The following RIMBP2 variants were observed in gnomAD, a reference collection of about 807,000 sequenced individuals.
RIMBP2 encodes RIMS-binding protein 2.
In RIMBP2, 48 loss-of-function variants were observed where a neutral mutation model predicts 118.6. That is an observed-to-expected ratio of 0.40 (90% CI 0.32 to 0.51). The LOEUF (loss-of-function observed/expected upper bound fraction) is 0.51. RIMBP2 is among the 20% of genes least tolerant of loss of function. The pLI is 0.41. For missense variants in RIMBP2, 1,551 were observed against 1,768.3 expected, an observed-to-expected ratio of 0.88 and a Z score of 2.20; for synonymous variants, 762 against 742.9, an observed-to-expected ratio of 1.03 and a Z score of -0.42.
chr12:130,585,326 G>A (rs994045935), intron 2 of RIMBP2, among the ~76,000 whole-genome samples: 13 of 152,160 alleles, frequency 8.5e-5, no homozygotes, highest in Admixed American at 1.3e-4. Flanking sequence ...CCTTTTGGAC[G>A]TTTGGGGAGT....
rs181626234 is a variant in RIMBP2, at chr12:130,703,593, C to T, written c.-352+12629G>A. ...CATGGGCTCCATCAGATCCCGTAAT[C>T]GGATCCGGGCGCTTTAGCCCTCACG... On this transcript the variant is annotated intron_variant, in intron 1 of 22. Transcript: ENST00000690449. This position sits in a 1 kb window ranked among gnomAD's most constrained non-coding sequence, Gnocchi z 5.7. Among the ~76,000 whole-genome samples the T allele has an allele frequency of 1.2e-3, 176 of 152,294 alleles. No homozygotes were observed. The highest frequency in any genetic ancestry group is 4.0e-3 in the African/African-American group (165 of 41,568).
chr12:130,519,968 C>A (rs1341640022), intron 2 of RIMBP2, among the ~76,000 whole-genome samples: 1 of 152,160 alleles, frequency 6.6e-6, no homozygotes, highest in African/African-American at 2.4e-5. Flanking sequence ...TGGCCCCTTC[C>A]CTCCTGAAGG....
At chr12:130,579,958 C>T (rs148061487) in intron 2 of RIMBP2, among the ~76,000 whole-genome samples, 98 of 147,304 alleles carry the variant, frequency 6.7e-4, no homozygotes, top group East Asian at 4.2e-3. Flanking sequence ...GCGAGGCAGG[C>T]GATCACCTGA....
rs369054074 is a variant in RIMBP2 at position 130,445,196 on chromosome 12, C to T, written c.655G>A (p.Val219Ile). 17 of 1,612,872 alleles carry T rather than the reference C, an allele frequency of 1.1e-5. No individual in the cohort carries two copies. The highest frequency in any genetic ancestry group is 8.4e-5 in the Admixed American group (5 of 59,754). ...LPLTAGKYLY[V>I]YGDMDEDGFY... ...CCATCCTCATCCATGTCTCCATAGA[C>T]GTAGAGGTATTTTCCCGCCGTGAGG... is the stretch of plus-strand genomic sequence containing the variant. The change falls in exon 10 of 23, where the codon GTC (valine) becomes ATC (isoleucine). Residue 219 changes from valine to isoleucine, a missense_variant. Physicochemically the swap from Val to Ile is conservative, Grantham distance 29. Transcript: ENST00000690449.
At chr12:130,404,364 C>T (rs2074957478) in intron 21 of RIMBP2, among the ~76,000 whole-genome samples, 1 of 152,168 alleles carries the variant, frequency 6.6e-6, no homozygotes, top group Non-Finnish European at 1.5e-5. Context: ...ATGGCATGAT[C>T]TCAGCTCACC....
chr12:130,712,086 G>A (rs1363498656), intron 1 of RIMBP2, among the ~76,000 whole-genome samples: 4 of 152,206 alleles, frequency 2.6e-5, no homozygotes, highest in Non-Finnish European at 5.9e-5. Flanking sequence ...TGGAGCTTGC[G>A]GGACTGGAAG....
At chr12:130,402,264 G>A (rs1168913116) in intron 21 of RIMBP2, among the ~76,000 whole-genome samples, 4 of 152,124 alleles carry the variant, frequency 2.6e-5, no homozygotes, top group African/African-American at 9.7e-5. Flanking sequence ...AAGCTCAAGA[G>A]TTTCTAAGCC....
chr12:130,675,508 G>T (rs886644607), intron 1 of RIMBP2, among the ~76,000 whole-genome samples: 6 of 152,130 alleles, frequency 3.9e-5, no homozygotes, highest in Admixed American at 3.3e-4. Context: ...CAATGCCCAG[G>T]CCTCCTTCCT....
rs1005839427 is a variant in RIMBP2, at chr12:130,623,638, C to T, written c.-217+4684G>A. Among the ~76,000 whole-genome samples the T allele has an allele frequency of 5.9e-5, 9 of 152,192 alleles. No homozygotes were observed. The highest frequency in any genetic ancestry group is 4.1e-4 in the South Asian group (2 of 4,830). ...TAAGCTGCCTCCCATAACCTCTTAG[C>T]GCTCAACTCCATGCACACCAAGCTG... On this transcript the variant is annotated intron_variant, in intron 2 of 22. Transcript: ENST00000690449. This position sits in a 1 kb window ranked among gnomAD's most constrained non-coding sequence, Gnocchi z 4.1.
chr12:130,471,391 A>C (rs2080990833), intron 5 of RIMBP2, among the ~76,000 whole-genome samples: 3 of 152,168 alleles, frequency 2.0e-5, no homozygotes, highest in African/African-American at 7.2e-5. Context: ...AAACACCGTT[A>C]TTTCTTGTCC....
chr12:130,583,551 C>A (rs2058616320), intron 2 of RIMBP2, among the ~76,000 whole-genome samples: 1 of 151,432 alleles, frequency 6.6e-6, no homozygotes, highest in African/African-American at 2.4e-5. Flanking sequence ...ATCATCATCA[C>A]CACGACCATC....
rs12832670 is a variant in RIMBP2, at chr12:130,664,399, G to A, written c.-351-35943C>T. On this transcript the variant is annotated intron_variant, in intron 1 of 22. Transcript: ENST00000690449. ...TGCACGCACGCGCATGCACACACACGCACGCACGCACGCACACACACGCAC... is the reference window on the plus strand; with the variant it reads ...TGCACGCACGCGCATGCACACACACACACGCACGCACGCACACACACGCAC... Among the ~76,000 whole-genome samples, 315 of 47,852 alleles carry A rather than the reference G, an allele frequency of 6.6e-3. 6 individuals are homozygous for A. The highest frequency in any genetic ancestry group is 0.014 in the South Asian group (20 of 1,474). The allele number at this position is 47,852 out of a possible 152,430, so 31.4% of individuals were successfully genotyped here. A position where few individuals can be genotyped will look rare whatever the true frequency, so the allele number is the denominator to read the frequency against.
rs2062945785 is a variant in RIMBP2 at position 130,646,317 on chromosome 12, CCCTCTCCACCTG to C, written c.-351-17873_-351-17862del. 2.3e-5 allele frequency among the ~76,000 whole-genome samples: 2 copies of C among 88,268 alleles called. 1 individual carries two copies. Among genetic ancestry groups the C allele is most frequent in the Non-Finnish European group, 5.4e-5 (2 of 36,988 alleles). The allele number at this position is 88,268 out of a possible 152,430, so 57.9% of individuals were successfully genotyped here. On this transcript the variant is annotated intron_variant, in intron 1 of 22. Transcript: ENST00000690449. Reference sequence around the variant, plus strand: ...TGCCTCTCCACCTCCCTCACCACTTCCCTCTCCACCTGCCTCACCACCTCCCTCACCACCTCC... The same window carrying C: ...TGCCTCTCCACCTCCCTCACCACTTCCCTCACCACCTCCCTCACCACCTCC...
chr12:130,605,874 A>T (rs1476904822), intron 2 of RIMBP2, among the ~76,000 whole-genome samples: 1 of 152,148 alleles, frequency 6.6e-6, no homozygotes, highest in Non-Finnish European at 1.5e-5. Flanking sequence ...CACCAGCCTG[A>T]TCTACGTGGT....
intron 2 of RIMBP2, among the ~76,000 whole-genome samples, chr12:130,554,711 T>G: frequency 6.6e-6 from 1 of 151,882 alleles, no homozygotes; most frequent in East Asian, 1.9e-4. Flanking sequence ...GTCATCATTA[T>G]CCCCATTTTA....
chr12:130,422,427 A>G lies in RIMBP2; in HGVS notation c.3238+26T>C, dbSNP rs747430286. 101 of 1,523,432 alleles carry G rather than the reference A, an allele frequency of 6.6e-5. 1 individual carries two copies. The highest frequency in any genetic ancestry group is 8.1e-5 in the Non-Finnish European group (89 of 1,101,970). The allele number at this position is 1,523,432 out of a possible 1,614,324, so 94.4% of individuals were successfully genotyped here. The stretch of plus-strand genomic sequence containing the variant: ...GCCACATGCTCCGCGGCTGAAAGAC[A>G]CAACAGCGATGATGGGGCCACTAAC... On this transcript the variant is annotated intron_variant, in intron 17 of 22. Coordinates refer to ENST00000690449, the MANE Select transcript of RIMBP2 (RefSeq NM_001393629.1). This position sits in a 1 kb window ranked among gnomAD's most constrained non-coding sequence, Gnocchi z 5.2.
At chr12:130,571,024 T>C (rs2057596557) in intron 2 of RIMBP2, among the ~76,000 whole-genome samples, 1 of 152,092 alleles carries the variant, frequency 6.6e-6, no homozygotes, top group African/African-American at 2.4e-5. Flanking sequence ...ACTGAATTTA[T>C]GGCAGGAACT....
chr12:130,678,394 C>T (rs1306583562), intron 1 of RIMBP2, among the ~76,000 whole-genome samples: 1 of 152,250 alleles, frequency 6.6e-6, no homozygotes, highest in East Asian at 1.9e-4. Flanking sequence ...GCTGCTGCGC[C>T]ACGGAATATT....
intron 4 of RIMBP2, among the ~76,000 whole-genome samples, chr12:130,484,439 C>T (rs950786326): frequency 1.3e-5 from 2 of 152,240 alleles, no homozygotes; most frequent in Non-Finnish European, 2.9e-5. Flanking sequence ...CGCCCGGCCC[C>T]TCCTGGATAC....
Sources: gnomAD v4.1 joint callset for allele counts (sites outside exome capture counted in the v4.1 genomes callset) on GRCh38, gnomAD v4.1.1 for gene constraint, Gnocchi (gnomAD v3.1) non-coding constraint, MANE v1.5 for transcripts, NCBI Gene and HGNC (gene_info 2026-07-23, HGNC 2026-07-21) for gene names.